The following LARGE1 variants were observed in gnomAD, a reference collection of about 807,000 sequenced individuals.
LARGE1 encodes xylosyl- and glucuronyltransferase LARGE1.
A neutral mutation model predicts 87.6 loss-of-function variants in LARGE1; 43 were observed. The observed-to-expected ratio is 0.49, with a 90% CI of 0.38 to 0.63. LARGE1 has a LOEUF of 0.63. Ranked by LOEUF, LARGE1 falls within the 30% of genes least tolerant of loss-of-function variation. LARGE1 has a pLI of 0.00. For synonymous variants in LARGE1, 434 were observed against 394.6 expected, an observed-to-expected ratio of 1.10 and a Z score of -1.18; for missense variants, 802 against 1,000.2, an observed-to-expected ratio of 0.80 and a Z score of 2.67.
Position 33,481,455 on chromosome 22 carries a change from A to G in LARGE1, c.788-49190T>C, listed in dbSNP as rs78980953. Among the ~76,000 whole-genome samples, 592 of 152,260 alleles carry G rather than the reference A, an allele frequency of 3.9e-3. 3 individuals carry two copies. The highest frequency in any genetic ancestry group is 0.013 in the African/African-American group (556 of 41,556). ...ATTTTACATATCGAAATACTGATCC[A>G]TGATTTTTAATCTATGGTGCACATT... On this transcript the variant is annotated intron_variant, in intron 6 of 14. Coordinates refer to ENST00000397394, the MANE Select transcript of LARGE1 (RefSeq NM_133642.5).
chr22:33,288,117 C>T (rs1931880427), intron 12 of LARGE1, among the ~76,000 whole-genome samples: 1 of 152,174 alleles, frequency 6.6e-6, no homozygotes, highest in Non-Finnish European at 1.5e-5. Context: ...GGCTATGGCG[C>T]CCAGTTACTG....
At chr22:33,612,821 A>C (rs1424830602) in intron 4 of LARGE1, among the ~76,000 whole-genome samples, 1 of 152,214 alleles carries the variant, frequency 6.6e-6, no homozygotes, top group African/African-American at 2.4e-5. Flanking sequence ...AATTCTGGGA[A>C]GTTTTAACCT....
At chr22:33,388,764 G>T (rs755158122) in intron 7 of LARGE1, among the ~76,000 whole-genome samples, 6 of 151,838 alleles carry the variant, frequency 4.0e-5, no homozygotes, top group Non-Finnish European at 7.4e-5. Context: ...ATGGGGTTTC[G>T]CCATGTTGGC....
intron 7 of LARGE1, among the ~76,000 whole-genome samples, chr22:33,402,294 C>CT (rs1181509154): frequency 2.0e-5 from 3 of 152,186 alleles, no homozygotes; most frequent in African/African-American, 7.2e-5. Context: ...TCAACGTCTT[C>CT]ATTTTATAGA....
intron 1 of LARGE1, among the ~76,000 whole-genome samples, chr22:33,876,526 A>G (rs1299862217): frequency 6.1e-5 from 9 of 146,774 alleles, no homozygotes; most frequent in Admixed American, 5.5e-4. Context: ...ACTTCTATTT[A>G]AAAGCAAACT....
intron 4 of LARGE1, among the ~76,000 whole-genome samples, chr22:33,611,883 T>C (rs1602708640): frequency 6.6e-6 from 1 of 152,184 alleles, no homozygotes; most frequent in Non-Finnish European, 1.5e-5. Context: ...TGAGTTCTCA[T>C]GTGAGCTGGC....
chr22:33,519,233 C>CGTGTGTGT (rs1021630518), intron 6 of LARGE1, among the ~76,000 whole-genome samples: 1,362 of 121,370 alleles, frequency 0.011, 23 homozygotes, highest in African/African-American at 0.034. Flanking sequence ...TGCGTGCGCG[C>CGTGTGTGT]GCGTGTGTGT....
At chr22:33,190,930 T>C (rs1602067958) in intron 11 of LARGE1, among the ~76,000 whole-genome samples, 1 of 152,216 alleles carries the variant, frequency 6.6e-6, no homozygotes, top group Non-Finnish European at 1.5e-5. Context: ...TCGGTAAAAC[T>C]CTCTCCTCTG....
intron 1 of LARGE1, among the ~76,000 whole-genome samples, chr22:33,831,037 G>A (rs1014778417): frequency 6.6e-6 from 1 of 152,144 alleles, no homozygotes; most frequent in Non-Finnish European, 1.5e-5. Context: ...CAATGTAGAC[G>A]ACAATGGTGG....
chr22:33,322,111 G>A lies in LARGE1; in HGVS notation c.1288-5863C>T, dbSNP rs192751335. ...TGAGATTACGGGCATGAGCTACTGCGTCTGGCCTCTCCTTCTCTTTATATG... is the reference window on the plus strand; with the variant it reads ...TGAGATTACGGGCATGAGCTACTGCATCTGGCCTCTCCTTCTCTTTATATG... On this transcript the variant is annotated intron_variant, in intron 10 of 14. Transcript: ENST00000397394. Among the ~76,000 whole-genome samples the A allele has an allele frequency of 1.2e-3, 179 of 152,254 alleles. 2 individuals are homozygous for A. The highest frequency in any genetic ancestry group is 9.5e-3 in the South Asian group (46 of 4,820).
intron 1 of LARGE1, among the ~76,000 whole-genome samples, chr22:33,919,104 A>G (rs1244140854): frequency 2.0e-5 from 1 of 50,964 alleles, no homozygotes; most frequent in African/African-American, 4.7e-5. Context: ...ACAGAGACGA[A>G]AAAAAAAAAA....
the LARGE1 span, among the ~76,000 whole-genome samples, chr22:33,104,943 CTT>C: frequency 1.4e-5 from 2 of 139,596 alleles, no homozygotes; most frequent in African/African-American, 5.5e-5. Context: ...TTCTTTCTTT[CTT>C]TCTCTTTCTC....
At chr22:33,090,218 C>CTAAA in the LARGE1 span, among the ~76,000 whole-genome samples, 1 of 152,094 alleles carries the variant, frequency 6.6e-6, no homozygotes, top group African/African-American at 2.4e-5. Context: ...AACTAACTAA[C>CTAAA]TAAATAAATA....
intron 4 of LARGE1, among the ~76,000 whole-genome samples, chr22:33,607,825 G>A (rs1020533671): frequency 8.5e-5 from 13 of 152,208 alleles, no homozygotes; most frequent in Non-Finnish European, 1.8e-4. Context: ...TCAAAAAGCA[G>A]TCAGCACTGC....
chr22:33,861,746 T>C (rs919912351), intron 1 of LARGE1: 2 of 152,362 alleles, frequency 1.3e-5, no homozygotes, highest in Non-Finnish European at 2.9e-5. Flanking sequence ...TGCAACTCAC[T>C]TCTGCTCACC....
intron 1 of LARGE1, among the ~76,000 whole-genome samples, chr22:33,868,589 C>G (rs1447178227): frequency 6.6e-6 from 1 of 152,118 alleles, no homozygotes; most frequent in African/African-American, 2.4e-5. Flanking sequence ...CATGGCCCTC[C>G]CTAACATGTC....
chr22:33,609,566 C>T (rs1394009596), intron 4 of LARGE1, among the ~76,000 whole-genome samples: 2 of 152,032 alleles, frequency 1.3e-5, no homozygotes, highest in Admixed American at 6.6e-5. Context: ...TGCAGTTGAC[C>T]GTTGAGTAAC....
At chr22:33,798,232 G>C (rs947593764) in intron 1 of LARGE1, among the ~76,000 whole-genome samples, 4 of 152,224 alleles carry the variant, frequency 2.6e-5, no homozygotes, top group Non-Finnish European at 5.9e-5. Flanking sequence ...AGAGGGTGCA[G>C]TGAGCCGAGA....
chr22:33,621,141 A>G (rs1418547193), intron 4 of LARGE1, among the ~76,000 whole-genome samples: 5 of 152,220 alleles, frequency 3.3e-5, no homozygotes, highest in Admixed American at 6.5e-5. Context: ...GGTATGCCAT[A>G]CTTTTCAAAA....
Sources: gnomAD v4.1 joint callset for allele counts (sites outside exome capture counted in the v4.1 genomes callset) on GRCh38, gnomAD v4.1.1 for gene constraint, MANE v1.5 for transcripts, NCBI Gene and HGNC (gene_info 2026-07-23, HGNC 2026-07-21) for gene names.